ADAMTS3: variants seen among roughly 807,000 people sequenced by gnomAD.
The protein encoded by ADAMTS3 is A disintegrin and metalloproteinase with thrombospondin motifs 3.
A neutral mutation model predicts 129.0 loss-of-function variants in ADAMTS3; 73 were observed. That is an observed-to-expected ratio of 0.57 (90% CI 0.47 to 0.69). ADAMTS3 has a LOEUF of 0.69. Ranked by LOEUF, ADAMTS3 falls within the 30% of genes least tolerant of loss-of-function variation. The probability of loss-of-function intolerance (pLI) is 0.00; values close to 1 mark genes in which losing one functional copy is unlikely to be tolerated. For missense variants in ADAMTS3, 1,457 were observed against 1,514.5 expected (o/e 0.96, Z 0.63); for synonymous variants, 477 against 510.8 (o/e 0.93, Z 0.89).
At chr4:72,481,501 A>G (rs1719434487) in intron 3 of ADAMTS3, among the ~76,000 whole-genome samples, 1 of 152,206 alleles carries the variant, frequency 6.6e-6, no homozygotes, top group Non-Finnish European at 1.5e-5. Flanking sequence ...CATAGACAAA[A>G]GAATAGCCTT....
chr4:72,359,543 C>T (rs1303796703), intron 4 of ADAMTS3, among the ~76,000 whole-genome samples: 1 of 151,868 alleles, frequency 6.6e-6, no homozygotes, highest in East Asian at 1.9e-4. Context: ...GGGAAAAGGC[C>T]ATGAAATATA....
Position 72,569,039 on chromosome 4 carries a change from T to C in ADAMTS3, c.-277A>G. On this transcript the variant is annotated 5_prime_UTR_variant, in exon 1 of 22. Transcript: ENST00000286657. Reference sequence around the variant, plus strand: ...GAAGGTGCTGTAAGCGGGCACAGGCTAAGCCTGGGAGAGGGGGAAGGGACG... The same window carrying C: ...GAAGGTGCTGTAAGCGGGCACAGGCCAAGCCTGGGAGAGGGGGAAGGGACG... 2.0e-6 allele frequency: 1 copy of C among 506,824 alleles called. No homozygotes were observed. The highest frequency in any genetic ancestry group is 2.5e-5 in the South Asian group (1 of 39,400). The allele number at this position is 506,824 out of a possible 1,614,324, so 31.4% of individuals were successfully genotyped here.
chr4:72,399,280 G>A (rs1023619366), intron 4 of ADAMTS3, among the ~76,000 whole-genome samples: 2 of 151,926 alleles, frequency 1.3e-5, no homozygotes, highest in Non-Finnish European at 2.9e-5. Flanking sequence ...AAAAGTAAAA[G>A]AAATTAGCTG....
chr4:72,465,803 G>A (rs1261393928), intron 3 of ADAMTS3, among the ~76,000 whole-genome samples: 1 of 151,972 alleles, frequency 6.6e-6, no homozygotes, highest in East Asian at 1.9e-4. Flanking sequence ...AATTATGGGG[G>A]CAGGTTTCCC....
Position 72,548,519 on chromosome 4 carries a change from T to C in ADAMTS3, c.463A>G (p.Ile155Val). 6.2e-7 allele frequency: 1 copy of C among 1,613,878 alleles called. No individual in the cohort carries two copies. The highest frequency in any genetic ancestry group is 1.7e-5 in the Admixed American group (1 of 59,996). ...NCAYVGDIVDIPGTSVAISNC... is the reference protein window; with the variant it reads ...NCAYVGDIVDVPGTSVAISNC... The stretch of plus-strand genomic sequence containing the variant: ...CTGATGGCAACAGAGGTTCCTGGAA[T>C]GTCCACGATGTCACCAACATAAGCA... Residue 155 changes from isoleucine (I) to valine (V), a missense_variant, in exon 3 of 22, where the codon ATT becomes GTT. By Grantham distance (29) the Ile-to-Val change is conservative (BLOSUM62 3). Transcript: ENST00000286657.
chr4:72,378,931 T>C (rs1423870481), intron 4 of ADAMTS3, among the ~76,000 whole-genome samples: 2 of 152,102 alleles, frequency 1.3e-5, no homozygotes, highest in Non-Finnish European at 2.9e-5. Context: ...CTTGTGGCTG[T>C]ATGACAGGTC....
chr4:72,429,650 GT>G (rs770155966), intron 3 of ADAMTS3, among the ~76,000 whole-genome samples: 10 of 152,118 alleles, frequency 6.6e-5, no homozygotes, highest in Non-Finnish European at 1.3e-4. Flanking sequence ...TTGAGGATAT[GT>G]ATTAAAGATA....
At chr4:72,485,565 A>G (rs1018840780) in intron 3 of ADAMTS3, among the ~76,000 whole-genome samples, 4 of 152,120 alleles carry the variant, frequency 2.6e-5, no homozygotes, top group African/African-American at 7.2e-5. Flanking sequence ...CATTCAAGAA[A>G]TATATTTCTA....
At chr4:72,289,583 G>C (rs529360754) in intron 20 of ADAMTS3, among the ~76,000 whole-genome samples, 1 of 152,152 alleles carries the variant, frequency 6.6e-6, no homozygotes, top group Non-Finnish European at 1.5e-5. Flanking sequence ...ACCTGCACTT[G>C]TACTATGGTT....
intron 3 of ADAMTS3, among the ~76,000 whole-genome samples, chr4:72,522,923 AG>A (rs1242251313): frequency 6.6e-6 from 1 of 152,170 alleles, no homozygotes; most frequent in Non-Finnish European, 1.5e-5. Flanking sequence ...AGTGTTTAAC[AG>A]TATTGTTTTC....
chr4:72,373,818 T>G (rs1020470299), intron 4 of ADAMTS3, among the ~76,000 whole-genome samples: 1 of 151,798 alleles, frequency 6.6e-6, no homozygotes, highest in African/African-American at 2.4e-5. Context: ...GAGGATAACT[T>G]GAGCCTGGGA....
intron 4 of ADAMTS3, among the ~76,000 whole-genome samples, chr4:72,386,217 C>A (rs190931493): frequency 6.6e-6 from 1 of 152,214 alleles, no homozygotes; most frequent in African/African-American, 2.4e-5. Flanking sequence ...AAATCAGTAA[C>A]CAAAATTTTC....
At position 72,309,292 on chromosome 4, in the gene ADAMTS3, T is replaced by G; in HGVS notation, c.2179+105A>C. 2.5e-6 allele frequency: 3 copies of G among 1,183,160 alleles called. No individual in the cohort carries two copies. The South Asian group carries it at 4.7e-5, about 19-fold the overall frequency. 73.3% of individuals were successfully genotyped at this position (1,183,160 alleles called of 1,614,324 possible). A position where few individuals can be genotyped will look rare whatever the true frequency, so the allele number is the denominator to read the frequency against. On this transcript the variant is annotated intron_variant, in intron 15 of 21. Transcript: ENST00000286657. The stretch of plus-strand genomic sequence containing the variant: ...GAATAACAATAAATCAGCAGCTAAA[T>G]TTTGATTATGTTTATAGAGAAAATG...
At chr4:72,291,095 C>T (rs368678717) in intron 19 of ADAMTS3, 33 bp from the exon 20 acceptor site, 138 of 1,609,838 alleles carry the variant, frequency 8.6e-5, no homozygotes, top group South Asian at 4.9e-4. Context: ...TTGCAATTAT[C>T]ACTGGTATGT....
chr4:72,404,607 T>G (rs1182783203), intron 4 of ADAMTS3, among the ~76,000 whole-genome samples: 1 of 151,836 alleles, frequency 6.6e-6, no homozygotes, highest in Non-Finnish European at 1.5e-5. Flanking sequence ...GATTTGCTAG[T>G]TATGACCCCA....
intron 2 of ADAMTS3, among the ~76,000 whole-genome samples, chr4:72,564,299 A>AGG (rs1346034813): frequency 2.6e-5 from 4 of 152,200 alleles, no homozygotes; most frequent in Non-Finnish European, 5.9e-5. Flanking sequence ...CAGTGTCTAC[A>AGG]GAACTATGAT....
intron 3 of ADAMTS3, among the ~76,000 whole-genome samples, chr4:72,504,376 T>TA (rs1720102905): frequency 6.6e-6 from 1 of 152,222 alleles, no homozygotes; most frequent in South Asian, 2.1e-4. Flanking sequence ...TCCTTGTCTT[T>TA]AAGAAGGCCG....
At chr4:72,318,504 C>G (rs1578577677) in intron 10 of ADAMTS3, 68 bp downstream of exon 10, 1 of 1,547,610 alleles carries the variant, frequency 6.5e-7, no homozygotes, top group Non-Finnish European at 8.8e-7. Flanking sequence ...GTCTGTAAAT[C>G]TCACCAAGCA....
At chr4:72,385,032 A>T (rs966143302) in intron 4 of ADAMTS3, among the ~76,000 whole-genome samples, 5 of 152,100 alleles carry the variant, frequency 3.3e-5, no homozygotes, top group African/African-American at 4.8e-5. Context: ...AAAGAAAATT[A>T]GCCGGGATTG....
Sources: allele counts gnomAD v4.1 joint callset (sites outside exome capture counted in the v4.1 genomes callset), GRCh38; gene constraint gnomAD v4.1.1; transcripts MANE v1.5; gene names NCBI Gene and HGNC (gene_info 2026-07-23, HGNC 2026-07-21).